Variants in SP6 observed in about 807,000 individuals in gnomAD.
SP6 encodes transcription factor Sp6.
Under a neutral mutation model 23.4 loss-of-function variants are expected in SP6, and 10 were observed. The observed-to-expected ratio is 0.43, with a 90% CI of 0.26 to 0.72. The LOEUF (loss-of-function observed/expected upper bound fraction) is 0.72. Among genes scored for constraint, SP6 ranks in the 30% least tolerant of loss-of-function variants. The pLI, the probability that SP6 is intolerant of heterozygous loss-of-function variation, is 0.23. For synonymous variants in SP6, 238 were observed against 238.7 expected, an observed-to-expected ratio of 1.00 and a Z score of 0.03; for missense variants, 482 against 523.8, an observed-to-expected ratio of 0.92 and a Z score of 0.78.
At chr17:47,853,856 G>A (rs1304889928), upstream of SP6, among the ~76,000 whole-genome samples, 1 of 152,078 alleles carries the variant, frequency 6.6e-6, no homozygotes, top group Non-Finnish European at 1.5e-5. Context: ...GCTCACTCAG[G>A]GTACTGGCAC....
upstream of SP6, among the ~76,000 whole-genome samples, chr17:47,859,795 C>T (rs2034022423): frequency 6.6e-6 from 1 of 152,096 alleles, no homozygotes; most frequent in South Asian, 2.1e-4. Flanking sequence ...GGAGTGAGGG[C>T]TGAGGGAGAG....
In SP6 at chr17:47,847,611, C is replaced by A. The variant is rs780759322; in HGVS notation, c.819G>T (p.Ala273=). ...GGTCGCCGCTGTGCCAGCGCAGGTG[C>A]GCCTTCAGGTGCGACGTCTTGGCGT... ...KAYAKTSHLK[A]HLRWHSGDRP... Residue 273 remains alanine, a synonymous_variant, in exon 2 of 2, where the codon GCG becomes GCT. Transcript: ENST00000536300. The A allele has an allele frequency of 6.2e-7, 1 of 1,613,580 alleles. No individual in the cohort carries two copies. Among genetic ancestry groups the A allele is most frequent in the Non-Finnish European group, 8.5e-7 (1 of 1,179,942 alleles).
chr17:47,852,798 C>A (rs1044252693), upstream of SP6, among the ~76,000 whole-genome samples: 2 of 152,206 alleles, frequency 1.3e-5, no homozygotes, highest in African/African-American at 4.8e-5. Context: ...TTCTAAGGCT[C>A]ATTTCCCTCA....
Position 47,847,219 on chromosome 17 carries a change from G to C in SP6, c.*80C>G, listed in dbSNP as rs192094378. On this transcript the variant is annotated 3_prime_UTR_variant, in exon 2 of 2. Coordinates refer to ENST00000536300, the MANE Select transcript of SP6 (RefSeq NM_001258248.2). ...ATACGCACCTTCCCCTCTTCCTCAA[G>C]CCACCCCCAAGGACGTCAGACCTGG... 20 of 1,379,072 alleles carry C rather than the reference G, an allele frequency of 1.5e-5. No individual in the cohort carries two copies. Among genetic ancestry groups the C allele is most frequent in the African/African-American group, 4.4e-5 (3 of 68,534 alleles). The allele number at this position is 1,379,072 out of a possible 1,614,324, so 85.4% of individuals were successfully genotyped here.
chr17:47,868,145 C>T, the SP6 span, among the ~76,000 whole-genome samples: 1 of 152,310 alleles, frequency 6.6e-6, no homozygotes. Context: ...AGCAGGCACA[C>T]CCCACTCACT....
rs752665965 is a variant in SP6 at position 47,848,152 on chromosome 17, G to A, written c.278C>T (p.Ser93Phe). ...TGACATGTCCGGCTGCAGGAGCTTG[G>A]AAAAGGGGCCCGGGGCCAAGGGACT... Reference protein sequence around the residue: ...SDSPLAPGPFSKLLQPDMSHH... With the variant: ...SDSPLAPGPFFKLLQPDMSHH... Residue 93 changes from serine (S) to phenylalanine (F), a missense_variant, in exon 2 of 2, where the codon TCC becomes TTC. Ser to Phe is a radical substitution (Grantham distance 155). Around this residue, in one of 3 missense-constraint regions of SP6, gnomAD observed 330 missense variants for 332.3 expected, o/e 0.99. Transcript: ENST00000536300. The surrounding 1 kb of genome is among the most constrained non-coding windows in gnomAD (Gnocchi z 5.3). 6.2e-6 allele frequency: 10 copies of A among 1,613,460 alleles called. No homozygotes were observed. The highest frequency in any genetic ancestry group is 8.5e-6 in the Non-Finnish European group (10 of 1,179,978).
chr17:47,866,799 T>C, the SP6 span, among the ~76,000 whole-genome samples: 1 of 152,152 alleles, frequency 6.6e-6, no homozygotes, highest in Admixed American at 6.5e-5. Context: ...ATGTTCTCCC[T>C]TGTGTCCAAT....
chr17:47,862,138 G>C, the SP6 span, among the ~76,000 whole-genome samples: 4 of 151,824 alleles, frequency 2.6e-5, no homozygotes, highest in African/African-American at 9.7e-5. Context: ...CGGAGGTCAG[G>C]AGTTCGAGAC....
chr17:47,850,760 C>T (rs1567961942), intron 1 of SP6, among the ~76,000 whole-genome samples, 159 bp downstream of exon 1: 1 of 152,220 alleles, frequency 6.6e-6, no homozygotes, highest in Admixed American at 6.5e-5. Context: ...CAGTCTCTCC[C>T]GTCCGCCCAG....
Position 47,846,411 on chromosome 17 carries a change from C to T in SP6, c.*888G>A, listed in dbSNP as rs757268203. ...TCTACCGCTGGCTGCCTTGAAAACA[C>T]ACCTAGGGTAATAGATGGGGAATGT... On this transcript the variant is annotated 3_prime_UTR_variant, in exon 2 of 2. Transcript: ENST00000536300. The T allele has an allele frequency of 1.3e-5, 2 of 152,238 alleles. No homozygotes were observed. Among genetic ancestry groups the T allele is most frequent in the Non-Finnish European group, 2.9e-5 (2 of 68,068 alleles). 9.4% of individuals were successfully genotyped at this position (152,238 alleles called of 1,614,324 possible). A position where few individuals can be genotyped will look rare whatever the true frequency, so the allele number is the denominator to read the frequency against.
upstream of SP6, among the ~76,000 whole-genome samples, chr17:47,859,343 T>C (rs192535599): frequency 3.3e-5 from 5 of 152,372 alleles, no homozygotes; most frequent in Non-Finnish European, 7.3e-5. Context: ...TTCAAGCTCC[T>C]GGCTGGCACA....
At chr17:47,865,082 C>T in the SP6 span, 3 of 152,212 alleles carry the variant, frequency 2.0e-5, no homozygotes, top group Admixed American at 1.3e-4. Flanking sequence ...AGAGAGAAAC[C>T]TTCTCCTGCC....
At chr17:47,873,879 C>CCCTCCTCTTCTTCTTCCTCCTCCG in the SP6 span, among the ~76,000 whole-genome samples, 3 of 139,864 alleles carry the variant, frequency 2.1e-5, no homozygotes, top group East Asian at 4.0e-4. Context: ...TTCCTCCTCC[C>CCCTCCTCTTCTTCTTCCTCCTCCG]CCTCCTCTTC....
rs1209380822 is a variant in SP6 at position 47,848,382 on chromosome 17, C to T, written c.48G>A (p.Ala16=). 2 of 1,557,978 alleles carry T rather than the reference C, an allele frequency of 1.3e-6. No homozygotes were observed. Among genetic ancestry groups the T allele is most frequent in the South Asian group, 2.4e-5 (2 of 84,338 alleles). The change falls in exon 2 of 2, where the codon GCG becomes GCA. Residue 16 remains alanine, a synonymous_variant. Coordinates refer to ENST00000536300, the MANE Select transcript of SP6 (RefSeq NM_001258248.2). This position sits in a 1 kb window ranked among gnomAD's most constrained non-coding sequence, Gnocchi z 5.3. ...CGSLGSQHTE[A]PHASPPRLDL... ...CGAGGCGCGGCGGGGAGGCGTGCGG[C>T]GCTTCCGTGTGCTGGCTGCCCAGAG...
chr17:47,851,122 G>C lies in SP6; in HGVS notation c.-261C>G, dbSNP rs906624795. 2 of 152,418 alleles carry C rather than the reference G, an allele frequency of 1.3e-5. No homozygotes were observed. The highest frequency in any genetic ancestry group is 2.9e-5 in the Non-Finnish European group (2 of 68,210). The allele number at this position is 152,418 out of a possible 1,614,324, so 9.4% of individuals were successfully genotyped here. A position where few individuals can be genotyped will look rare whatever the true frequency, so the allele number is the denominator to read the frequency against. On this transcript the variant is annotated 5_prime_UTR_variant, in exon 1 of 2. Transcript: ENST00000536300. ...ACGGAGGGCGGGCAGGAGCCAGCGA[G>C]CGAACAAGGCCAGCTCCGCCCGTGA...
chr17:47,862,556 T>TTC, the SP6 span, among the ~76,000 whole-genome samples: 1 of 151,868 alleles, frequency 6.6e-6, no homozygotes, highest in African/African-American at 2.4e-5. Flanking sequence ...TTAGATCCAT[T>TTC]TCTCAAAGGC....
At chr17:47,868,636 A>G in the SP6 span, among the ~76,000 whole-genome samples, 7,813 of 152,168 alleles carry the variant, frequency 0.051, 650 homozygotes, top group African/African-American at 0.17. Context: ...AACCCCGACC[A>G]TCATGCATAC....
rs2033879097 is a variant in SP6, at chr17:47,845,818, G to A, written c.*1481C>T. On this transcript the variant is annotated 3_prime_UTR_variant, in exon 2 of 2. Coordinates refer to ENST00000536300, the MANE Select transcript of SP6 (RefSeq NM_001258248.2). Reference sequence around the variant, plus strand: ...GCTCCGGGTGAAGAAAGGGAGCGAGGGGAAGGGGGAGGGGTGTCAGAGGGA... The same window carrying A: ...GCTCCGGGTGAAGAAAGGGAGCGAGAGGAAGGGGGAGGGGTGTCAGAGGGA... The A allele has an allele frequency of 6.6e-6, 1 of 152,276 alleles. No individual in the cohort carries two copies. 9.4% of individuals were successfully genotyped at this position (152,276 alleles called of 1,614,324 possible). A position where few individuals can be genotyped will look rare whatever the true frequency, so the allele number is the denominator to read the frequency against.
the SP6 span, among the ~76,000 whole-genome samples, chr17:47,870,057 CTG>C: frequency 1.2e-4 from 19 of 152,108 alleles, no homozygotes; most frequent in African/African-American, 4.3e-4. Flanking sequence ...AATTTCTGGA[CTG>C]TGTGTGTGTA....
Sources: allele counts gnomAD v4.1 joint callset (sites outside exome capture counted in the v4.1 genomes callset), GRCh38; gene constraint gnomAD v4.1.1; regional missense constraint gnomAD v4.1.1; non-coding constraint Gnocchi (gnomAD v3.1); transcripts MANE v1.5; gene names NCBI Gene and HGNC (gene_info 2026-07-23, HGNC 2026-07-21).